The following PTPRK variants were observed in gnomAD, a reference collection of about 807,000 sequenced individuals.
The protein encoded by PTPRK is receptor-type tyrosine-protein phosphatase kappa.
Under a neutral mutation model 178.0 loss-of-function variants are expected in PTPRK, and 75 were observed. The observed-to-expected ratio is 0.42, with a 90% CI of 0.35 to 0.51. The LOEUF (loss-of-function observed/expected upper bound fraction) is 0.51, where lower values mean the gene tolerates loss of function less well. PTPRK is among the 20% of genes least tolerant of loss of function. The probability of loss-of-function intolerance (pLI) is 0.02; values close to 1 mark genes in which losing one functional copy is unlikely to be tolerated. For synonymous variants in PTPRK, 637 were observed against 620.6 expected (o/e 1.03, Z -0.39); for missense variants, 1,441 against 1,797.8 (o/e 0.80, Z 3.59).
chr6:128,198,810 G>A (rs910832129), intron 6 of PTPRK, among the ~76,000 whole-genome samples: 24 of 151,984 alleles, frequency 1.6e-4, no homozygotes, highest in Non-Finnish European at 3.2e-4. Context: ...TATATTTTTT[G>A]CCTCTCTCTT....
intron 1 of PTPRK, among the ~76,000 whole-genome samples, chr6:128,416,539 C>T (rs558175652): frequency 2.7e-5 from 4 of 150,006 alleles, no homozygotes; most frequent in Non-Finnish European, 5.9e-5. Flanking sequence ...CCCAGCTACT[C>T]GGGAGGGCTG....
intron 22 of PTPRK, 128 bp from the exon 23 acceptor site, chr6:127,983,505 G>A: frequency 1.1e-6 from 1 of 915,960 alleles, no homozygotes; most frequent in Non-Finnish European, 1.6e-6. Context: ...CACAGCACTT[G>A]TCCCTGCTGT....
At chr6:128,307,784 C>A (rs1826650741) in intron 3 of PTPRK, among the ~76,000 whole-genome samples, 1 of 152,080 alleles carries the variant, frequency 6.6e-6, no homozygotes, top group South Asian at 2.1e-4. Flanking sequence ...GAAAAATAAT[C>A]TGAAAATGTG....
chr6:128,099,652 C>T (rs2115051064), intron 7 of PTPRK, among the ~76,000 whole-genome samples: 1 of 152,158 alleles, frequency 6.6e-6, no homozygotes, highest in South Asian at 2.1e-4. Context: ...ACTATTGATA[C>T]ACACTTTAAC....
rs925127324 is a variant in PTPRK, at chr6:128,017,621, A to G, written c.2195-8353T>C. Among the ~76,000 whole-genome samples the G allele has an allele frequency of 2.7e-5, 4 of 150,836 alleles. No individual in the cohort carries two copies. The Admixed American group carries it at 2.7e-4, about 10-fold the overall frequency. On this transcript the variant is annotated intron_variant, in intron 13 of 29. Coordinates refer to ENST00000368226, the MANE Select transcript of PTPRK (RefSeq NM_002844.4). ...TGAAGATAAAAGTCTCAAGGGCAAT[A>G]TAGTTTTAGCATCCCCCTTCAGGTA...
intron 6 of PTPRK, among the ~76,000 whole-genome samples, chr6:128,191,245 T>C (rs974716433): frequency 1.8e-4 from 27 of 152,328 alleles, no homozygotes; most frequent in African/African-American, 6.0e-4. Context: ...TAAACAGAGT[T>C]TCTTCATTCT....
chr6:128,235,055 G>A (rs1812977746), intron 5 of PTPRK, among the ~76,000 whole-genome samples: 1 of 152,002 alleles, frequency 6.6e-6, no homozygotes, highest in Non-Finnish European at 1.5e-5. Flanking sequence ...TCAAGGTTAC[G>A]GATACATCAA....
intron 1 of PTPRK, among the ~76,000 whole-genome samples, chr6:128,423,323 T>C (rs1270863849): frequency 6.6e-6 from 1 of 152,166 alleles, no homozygotes; most frequent in African/African-American, 2.4e-5. Flanking sequence ...TCAGAACAAT[T>C]TAAAAATTAT....
At chr6:128,449,569 A>T (rs1847488181) in intron 1 of PTPRK, among the ~76,000 whole-genome samples, 1 of 152,208 alleles carries the variant, frequency 6.6e-6, no homozygotes, top group South Asian at 2.1e-4. Context: ...ATTCTAATAA[A>T]ATAATCTCAT....
chr6:128,427,416 T>C (rs1047549239), intron 1 of PTPRK, among the ~76,000 whole-genome samples: 6 of 152,152 alleles, frequency 3.9e-5, no homozygotes, highest in African/African-American at 1.4e-4. Context: ...TGCAGTTACA[T>C]TCATGGCTGA....
At chr6:128,497,813 CAAAT>C (rs1384510158) in intron 1 of PTPRK, among the ~76,000 whole-genome samples, 1 of 149,784 alleles carries the variant, frequency 6.7e-6, no homozygotes, top group Non-Finnish European at 1.5e-5. Flanking sequence ...ATGTAGCTAA[CAAAT>C]AAACAGTAAA....
At chr6:128,407,630 T>TGAC (rs1438386568) in intron 1 of PTPRK, among the ~76,000 whole-genome samples, 1 of 16,652 alleles carries the variant, frequency 6.0e-5, no homozygotes, top group Non-Finnish European at 1.2e-4. Flanking sequence ...AGCAAGACCC[T>TGAC]ATCAAAAAAA....
Position 128,160,000 on chromosome 6 carries a change from G to T in PTPRK, c.1162+24432C>A, listed in dbSNP as rs149248735. ...GCACAAATTACATATTGTTATAAAA[G>T]AATTAAACTTCATTTATATCTTGAT... On this transcript the variant is annotated intron_variant, in intron 7 of 29. Coordinates refer to ENST00000368226, the MANE Select transcript of PTPRK (RefSeq NM_002844.4). 1.2e-4 allele frequency among the ~76,000 whole-genome samples: 18 copies of T among 151,672 alleles called. No individual in the cohort carries two copies. The East Asian group carries it at 1.8e-3, about 15-fold the overall frequency.
chr6:128,227,301 G>A (rs1811524706), intron 5 of PTPRK, among the ~76,000 whole-genome samples: 1 of 152,192 alleles, frequency 6.6e-6, no homozygotes, highest in Admixed American at 6.5e-5. Flanking sequence ...GGTGGGTGAA[G>A]TCAGAAGACA....
intron 1 of PTPRK, among the ~76,000 whole-genome samples, chr6:128,457,237 C>G (rs934216495): frequency 2.0e-5 from 3 of 152,104 alleles, no homozygotes; most frequent in Non-Finnish European, 4.4e-5. Context: ...ATTTCAACTT[C>G]CAAGTTTACT....
At chr6:128,318,956 T>C (rs1828412887) in intron 3 of PTPRK, among the ~76,000 whole-genome samples, 1 of 152,164 alleles carries the variant, frequency 6.6e-6, no homozygotes, top group Non-Finnish European at 1.5e-5. Flanking sequence ...AAAACAAATG[T>C]AATACGATAA....
chr6:128,374,389 A>G (rs912212865), intron 2 of PTPRK, among the ~76,000 whole-genome samples: 1 of 152,144 alleles, frequency 6.6e-6, no homozygotes, highest in Admixed American at 6.6e-5. Context: ...CTCTCCCCTG[A>G]TAATCAGACA....
chr6:128,037,521 C>T (rs1298538674), intron 13 of PTPRK, among the ~76,000 whole-genome samples: 2 of 152,134 alleles, frequency 1.3e-5, no homozygotes, highest in Non-Finnish European at 2.9e-5. Flanking sequence ...ATAATATTTA[C>T]AAAATCAGAT....
intron 2 of PTPRK, among the ~76,000 whole-genome samples, chr6:128,361,753 T>A (rs1215799194): frequency 2.0e-5 from 3 of 152,162 alleles, no homozygotes; most frequent in Non-Finnish European, 4.4e-5. Context: ...AGTAGTATAA[T>A]CTTATCAGAT....
Sources: allele counts gnomAD v4.1 joint callset (sites outside exome capture counted in the v4.1 genomes callset), GRCh38; gene constraint gnomAD v4.1.1; transcripts MANE v1.5; gene names NCBI Gene and HGNC (gene_info 2026-07-23, HGNC 2026-07-21).